Variants in IGSF9B observed in about 807,000 individuals in gnomAD.
IGSF9B encodes immunoglobulin superfamily member 9B.
IGSF9B carries 48 observed loss-of-function variants against 143.7 expected under a neutral mutation model. That is an observed-to-expected ratio of 0.33 (90% CI 0.26 to 0.42). IGSF9B has a LOEUF of 0.42. IGSF9B is among the 20% of genes least tolerant of loss of function. The pLI is 1.00. For missense variants in IGSF9B, 1,706 were observed against 1,980.0 expected (o/e 0.86, Z 2.63); for synonymous variants, 903 against 833.1 (o/e 1.08, Z -1.44).
rs1295272449 is a variant in IGSF9B at position 133,902,906 on chromosome 11, G to A, written c.*6163C>T. Among the ~76,000 whole-genome samples, 2 of 152,074 alleles carry A rather than the reference G, an allele frequency of 1.3e-5. No individual in the cohort carries two copies. The highest frequency in any genetic ancestry group is 3.9e-4 in the East Asian group (2 of 5,176). ...CAAAGCCCTGGGTTCTACCACCAGC[G>A]TGAGGAGGGCTGGGCACTCGCCCCT... On this transcript the variant is annotated 3_prime_UTR_variant, in exon 20 of 20. Transcript: ENST00000533871.
chr11:133,948,085 G>GTCTGTGTC lies in IGSF9B; in HGVS notation c.65-1828_65-1827insGACACAGA, dbSNP rs142317840. ...TGTGTGTGTGTGTGTGTGTGTGTGT[G>GTCTGTGTC]TGTGTCTGTGTGTGTTTCGGTTGGC... On this transcript the variant is annotated intron_variant, in intron 1 of 19. Transcript: ENST00000533871. This position sits in a 1 kb window ranked among gnomAD's most constrained non-coding sequence, Gnocchi z 4.7. 6.0e-5 allele frequency among the ~76,000 whole-genome samples: 9 copies of GTCTGTGTC among 149,626 alleles called. No homozygotes were observed. The highest frequency in any genetic ancestry group is 4.0e-4 in the Admixed American group (6 of 14,964).
chr11:133,933,276 C>T (rs893583462), intron 7 of IGSF9B, among the ~76,000 whole-genome samples: 1 of 152,332 alleles, frequency 6.6e-6, no homozygotes, highest in Admixed American at 6.5e-5. Flanking sequence ...CACACCCTTC[C>T]CCAACAGCTC....
rs1238532120 is a variant in IGSF9B at position 133,940,359 on chromosome 11, G to T, written c.410-2398C>A. Reference sequence around the variant, plus strand: ...CACGTCCTCGCACGCGTCATCGCACGCACACACACCTCGCACGTCCTCGCA... The same window carrying T: ...CACGTCCTCGCACGCGTCATCGCACTCACACACACCTCGCACGTCCTCGCA... On this transcript the variant is annotated intron_variant, in intron 3 of 19. Transcript: ENST00000533871. 6.3e-4 allele frequency among the ~76,000 whole-genome samples: 43 copies of T among 68,758 alleles called. No individual in the cohort carries two copies. In the Admixed American group the frequency reaches 7.1e-3, roughly 11 times the overall value. 45.1% of individuals were successfully genotyped at this position (68,758 alleles called of 152,430 possible). A position where few individuals can be genotyped will look rare whatever the true frequency, so the allele number is the denominator to read the frequency against.
At chr11:133,947,131 G>A (rs1438803481) in intron 1 of IGSF9B, among the ~76,000 whole-genome samples, 6 of 151,884 alleles carry the variant, frequency 4.0e-5, no homozygotes, top group African/African-American at 7.3e-5. Flanking sequence ...GGCAGCAGGC[G>A]GGAGGACCAC....
Position 133,927,968 on chromosome 11 carries a change from A to T in IGSF9B, c.1632-877T>A, listed in dbSNP as rs573302191. On this transcript the variant is annotated intron_variant, in intron 12 of 19. Coordinates refer to ENST00000533871, the MANE Select transcript of IGSF9B (RefSeq NM_001277285.4). ...GCGCCAAACGTCGGAGTCAGTGCACAGAGTTAGAGGCAGGCAGAAAGAAAG... is the reference window on the plus strand; with the variant it reads ...GCGCCAAACGTCGGAGTCAGTGCACTGAGTTAGAGGCAGGCAGAAAGAAAG... 4.7e-4 allele frequency among the ~76,000 whole-genome samples: 71 copies of T among 152,328 alleles called. No individual in the cohort carries two copies. The South Asian group carries it at 0.014, about 31-fold the overall frequency.
rs754906772 is a variant in IGSF9B at position 133,956,692 on chromosome 11, T to A, written c.63A>T (p.Glu21Asp). The A allele has an allele frequency of 6.5e-7, 1 of 1,543,916 alleles. No individual in the cohort carries two copies. The highest frequency in any genetic ancestry group is 1.2e-5 in the South Asian group (1 of 82,960). Reference sequence around the variant, plus strand: ...GAGGGACGCCGCACTTCAACTCACCTTCAGCCGCAAGCCCTCGGGTGCCGA... The same window carrying A: ...GAGGGACGCCGCACTTCAACTCACCATCAGCCGCAAGCCCTCGGGTGCCGA... ...SVIGTRGLAAEGAHGLREEPE... is the reference protein window; with the variant it reads ...SVIGTRGLAADGAHGLREEPE... Residue 21 changes from glutamate to aspartate, a missense_variant and splice_region_variant, in exon 1 of 20, where the codon GAA becomes GAT. Around this residue, in one of 7 missense-constraint regions of IGSF9B, gnomAD observed 171 missense variants for 213.9 expected, o/e 0.80. Coordinates refer to ENST00000533871, the MANE Select transcript of IGSF9B (RefSeq NM_001277285.4).
Position 133,911,865 on chromosome 11 carries a change from G to A in IGSF9B, c.4105+21C>T, listed in dbSNP as rs923375478. On this transcript the variant is annotated intron_variant, in intron 19 of 19. Transcript: ENST00000533871. ...CAAGGCAAGGTGGGAGGAGCGGGGC[G>A]GGCCACTGCCCATCATTTACCGGAT... The A allele has an allele frequency of 6.5e-5, 98 of 1,510,592 alleles. No homozygotes were observed. In the East Asian group the frequency reaches 1.3e-3, roughly 20 times the overall value. The allele number at this position is 1,510,592 out of a possible 1,614,324, so 93.6% of individuals were successfully genotyped here.
Position 133,900,774 on chromosome 11 carries a change from G to C in IGSF9B, c.*8295C>G, listed in dbSNP as rs901123135. 2.0e-5 allele frequency: 3 copies of C among 152,192 alleles called. No homozygotes were observed. The highest frequency in any genetic ancestry group is 4.8e-5 in the African/African-American group (2 of 41,406). The allele number at this position is 152,192 out of a possible 1,614,324, so 9.4% of individuals were successfully genotyped here. ...CATACCACATTCACACTGGCTCTAA[G>C]AATCTGCAGCAACACTAAACAGGCC... On this transcript the variant is annotated 3_prime_UTR_variant, in exon 20 of 20. Coordinates refer to ENST00000533871, the MANE Select transcript of IGSF9B (RefSeq NM_001277285.4).
intron 3 of IGSF9B, among the ~76,000 whole-genome samples, chr11:133,942,469 T>C (rs1939969703): frequency 6.6e-6 from 1 of 152,188 alleles, no homozygotes; most frequent in Non-Finnish European, 1.5e-5. Flanking sequence ...CTAACACAGA[T>C]ACGCTCCAGA....
rs186865967 is a variant in IGSF9B at position 133,905,447 on chromosome 11, C to G, written c.*3622G>C. Among the ~76,000 whole-genome samples, 16 of 152,302 alleles carry G rather than the reference C, an allele frequency of 1.1e-4. No homozygotes were observed. Among genetic ancestry groups the G allele is most frequent in the Non-Finnish European group, 2.1e-4 (14 of 68,022 alleles). ...AAATCAGAAAATTTCACATTTGAAC[C>G]TTACCCCAGTTTCCTCAGCACAAAA... On this transcript the variant is annotated 3_prime_UTR_variant, in exon 20 of 20. Coordinates refer to ENST00000533871, the MANE Select transcript of IGSF9B (RefSeq NM_001277285.4). This position sits in a 1 kb window ranked among gnomAD's most constrained non-coding sequence, Gnocchi z 4.0.
rs1565409489 is a variant in IGSF9B, at chr11:133,901,872, C to CGCACCACACATGCACCACACAT, written c.*7196_*7197insATGTGTGGTGCATGTGTGGTGC. 6.9e-6 allele frequency among the ~76,000 whole-genome samples: 1 copy of CGCACCACACATGCACCACACAT among 144,310 alleles called. No individual in the cohort carries two copies. Among genetic ancestry groups the CGCACCACACATGCACCACACAT allele is most frequent in the East Asian group, 2.1e-4 (1 of 4,770 alleles). 94.7% of individuals were successfully genotyped at this position (144,310 alleles called of 152,430 possible). ...ACACGCACCACACACGCACCACACA[C>CGCACCACACATGCACCACACAT]GCACCACACACACACACAACACACA... is the stretch of plus-strand genomic sequence containing the variant. On this transcript the variant is annotated 3_prime_UTR_variant, in exon 20 of 20. Coordinates refer to ENST00000533871, the MANE Select transcript of IGSF9B (RefSeq NM_001277285.4).
In IGSF9B at chr11:133,948,065, G is replaced by T. The variant is rs1050000019; in HGVS notation, c.65-1807C>A. Among the ~76,000 whole-genome samples, 2 of 51,632 alleles carry T rather than the reference G, an allele frequency of 3.9e-5. No homozygotes were observed. The highest frequency in any genetic ancestry group is 4.0e-4 in the Admixed American group (2 of 5,012). 33.9% of individuals were successfully genotyped at this position (51,632 alleles called of 152,430 possible). A position where few individuals can be genotyped will look rare whatever the true frequency, so the allele number is the denominator to read the frequency against. ...TCTACCAGCATGTGTGCGTGTGTGTGTGTGTGTGTGTGTGTGTGTGTGTGT... is the reference window on the plus strand; with the variant it reads ...TCTACCAGCATGTGTGCGTGTGTGTTTGTGTGTGTGTGTGTGTGTGTGTGT... On this transcript the variant is annotated intron_variant, in intron 1 of 19. Transcript: ENST00000533871. The surrounding 1 kb of genome is among the most constrained non-coding windows in gnomAD (Gnocchi z 4.7).
chr11:133,922,744 G>T lies in IGSF9B; in HGVS notation c.2120-14C>A. On this transcript the variant is annotated splice_polypyrimidine_tract_variant and intron_variant, in intron 15 of 19. Coordinates refer to ENST00000533871, the MANE Select transcript of IGSF9B (RefSeq NM_001277285.4). ...GCGGGAAGATGTCTGCAGGGAGGGT[G>T]GGGAGCACTCATGAGCCCATCCTTC... is the stretch of plus-strand genomic sequence containing the variant. 2 of 1,550,580 alleles carry T rather than the reference G, an allele frequency of 1.3e-6. No homozygotes were observed.
chr11:133,919,118 C>CGGT (rs757623581), intron 18 of IGSF9B: 2 of 65,186 alleles, frequency 3.1e-5, no homozygotes, highest in Non-Finnish European at 6.6e-5. Context: ...GCGAGGTATA[C>CGGT]GGGGGGGGGG....
rs753055835 is a variant in IGSF9B at position 133,920,474 on chromosome 11, G to A, written c.3251C>T (p.Ser1084Phe). The change falls in exon 18 of 20, where the codon TCC becomes TTC. Residue 1084 changes from serine (S) to phenylalanine (F), a missense_variant. Physicochemically the swap from Ser to Phe is radical, Grantham distance 155. This residue lies in a region of IGSF9B where 880 missense variants were observed against 762.9 expected (regional missense o/e 1.15). Transcript: ENST00000533871. ...AGLPRGLPPTSLQVPAAYPGI... is the reference protein window; with the variant it reads ...AGLPRGLPPTFLQVPAAYPGI... ...CGGGTAGGCCGCGGGCACCTGCAGG[G>A]AGGTGGGGGGCAGTCCTCGGGGGAG... is the stretch of plus-strand genomic sequence containing the variant. 6.4e-7 allele frequency: 1 copy of A among 1,572,374 alleles called. No individual in the cohort carries two copies. Among genetic ancestry groups the A allele is most frequent in the South Asian group, 1.2e-5 (1 of 84,962 alleles).
chr11:133,943,431 G>T (rs1185720781), intron 3 of IGSF9B, among the ~76,000 whole-genome samples: 12 of 152,070 alleles, frequency 7.9e-5, no homozygotes, highest in Non-Finnish European at 1.6e-4. Context: ...ACACAAAGAG[G>T]AGACTCTCCC....
rs369358191 is a variant in IGSF9B at position 133,896,636 on chromosome 11, A to G, written c.*12433T>C. 5 of 152,134 alleles carry G rather than the reference A, an allele frequency of 3.3e-5. No individual in the cohort carries two copies. The South Asian group carries it at 6.2e-4, about 19-fold the overall frequency. 9.4% of individuals were successfully genotyped at this position (152,134 alleles called of 1,614,324 possible). A position where few individuals can be genotyped will look rare whatever the true frequency, so the allele number is the denominator to read the frequency against. ...CATTTGCTTATGCACGTGTTTGCTCATTTTGATTTGTAATTCAGGATATGA... is the reference window on the plus strand; with the variant it reads ...CATTTGCTTATGCACGTGTTTGCTCGTTTTGATTTGTAATTCAGGATATGA... On this transcript the variant is annotated 3_prime_UTR_variant, in exon 20 of 20. Coordinates refer to ENST00000533871, the MANE Select transcript of IGSF9B (RefSeq NM_001277285.4).
rs1004447407 is a variant in IGSF9B at position 133,896,903 on chromosome 11, CA to C, written c.*12165del. 6.6e-6 allele frequency: 1 copy of C among 152,586 alleles called. No homozygotes were observed. The highest frequency in any genetic ancestry group is 2.4e-5 in the African/African-American group (1 of 41,456). The allele number at this position is 152,586 out of a possible 1,614,324, so 9.5% of individuals were successfully genotyped here. On this transcript the variant is annotated 3_prime_UTR_variant, in exon 20 of 20. Coordinates refer to ENST00000533871, the MANE Select transcript of IGSF9B (RefSeq NM_001277285.4). The stretch of plus-strand genomic sequence containing the variant: ...GCAGGCGTGGCTTTGGGGTCATCTC[CA>C]GCGGGGTCTTCTCAGTGTTTGGGAA...
Position 133,920,451 on chromosome 11 carries a change from G to C in IGSF9B, c.3274C>G (p.Pro1092Ala), listed in dbSNP as rs1373795982. The change falls in exon 18 of 20, where the codon CCG becomes GCG. Residue 1092 changes from proline (P) to alanine (A), a missense_variant. Coordinates refer to ENST00000533871, the MANE Select transcript of IGSF9B (RefSeq NM_001277285.4). Reference protein sequence around the residue: ...PTSLQVPAAYPGILSLEAPKG... With the variant: ...PTSLQVPAAYAGILSLEAPKG... ...GGTGCCTCCAGAGACAGGATGCCCG[G>C]GTAGGCCGCGGGCACCTGCAGGGAG... is the stretch of plus-strand genomic sequence containing the variant. 7.0e-6 allele frequency: 11 copies of C among 1,566,090 alleles called. No individual in the cohort carries two copies. The highest frequency in any genetic ancestry group is 1.2e-5 in the South Asian group (1 of 84,660).
Sources: allele counts gnomAD v4.1 joint callset (sites outside exome capture counted in the v4.1 genomes callset), GRCh38; gene constraint gnomAD v4.1.1; regional missense constraint gnomAD v4.1.1; non-coding constraint Gnocchi (gnomAD v3.1); transcripts MANE v1.5; gene names NCBI Gene and HGNC (gene_info 2026-07-23, HGNC 2026-07-21).